The following DCDC1 variants were observed in gnomAD, a reference collection of about 807,000 sequenced individuals.
DCDC1 encodes doublecortin domain-containing protein 1.
A neutral mutation model predicts 178.3 loss-of-function variants in DCDC1; 200 were observed. The observed-to-expected ratio is 1.12, with a 90% CI of 1.00 to 1.26. The LOEUF is 1.26. DCDC1 is among the 50% of genes most tolerant of loss of function. The pLI, the probability that DCDC1 is intolerant of heterozygous loss-of-function variation, is 0.00. For synonymous variants in DCDC1, 690 were observed against 604.8 expected (o/e 1.14, Z -2.07); for missense variants, 1,983 against 1,749.2 (o/e 1.13, Z -2.38).
chr11:31,354,023 C>T (rs1483703192), intron 1 of DCDC1, among the ~76,000 whole-genome samples: 1 of 152,192 alleles, frequency 6.6e-6, no homozygotes, highest in Non-Finnish European at 1.5e-5. Flanking sequence ...CGCGGTGGCT[C>T]ACGCCTGTAA....
chr11:31,129,229 T>C (rs984095884), intron 10 of DCDC1, among the ~76,000 whole-genome samples: 4 of 152,182 alleles, frequency 2.6e-5, no homozygotes, highest in Admixed American at 1.3e-4. Context: ...TGTATACATA[T>C]AAATTTCAAT....
intron 18 of DCDC1, among the ~76,000 whole-genome samples, chr11:31,067,575 C>T (rs1009290592): frequency 6.6e-6 from 1 of 151,954 alleles, no homozygotes; most frequent in Non-Finnish European, 1.5e-5. Context: ...TACATACACA[C>T]AAAAACTTCC....
At chr11:31,061,715 G>A (rs1171270963) in intron 20 of DCDC1, among the ~76,000 whole-genome samples, 2 of 151,942 alleles carry the variant, frequency 1.3e-5, no homozygotes, top group Admixed American at 6.6e-5. Context: ...GACTAAAAAA[G>A]CATAAATCTA....
chr11:31,239,448 C>T (rs1247139652), intron 9 of DCDC1, among the ~76,000 whole-genome samples: 2 of 151,894 alleles, frequency 1.3e-5, no homozygotes, highest in African/African-American at 2.4e-5. Context: ...CTTAATATAA[C>T]ACTACAAAAG....
chr11:31,246,643 T>C (rs1451291835), intron 8 of DCDC1, among the ~76,000 whole-genome samples: 2 of 151,970 alleles, frequency 1.3e-5, no homozygotes, highest in Middle Eastern at 3.2e-3. Flanking sequence ...CTTTACGAAA[T>C]AGTTGGAAAG....
At chr11:30,886,488 C>T (rs1443489185) in intron 36 of DCDC1, among the ~76,000 whole-genome samples, 1 of 152,078 alleles carries the variant, frequency 6.6e-6, no homozygotes, top group African/African-American at 2.4e-5. Flanking sequence ...ATCAAGGTGC[C>T]AGCAGATTCA....
At chr11:31,117,488 T>C (rs1960139227) in intron 11 of DCDC1, among the ~76,000 whole-genome samples, 1 of 152,140 alleles carries the variant, frequency 6.6e-6, no homozygotes, top group Non-Finnish European at 1.5e-5. Flanking sequence ...GCCTGGGTTA[T>C]CTGCCAGCCC....
chr11:31,039,654 G>A (rs158290), intron 20 of DCDC1, among the ~76,000 whole-genome samples: 13,582 of 152,102 alleles, frequency 0.089, 815 homozygotes, highest in East Asian at 0.29. Flanking sequence ...TTAAGATAAA[G>A]TTCCTATGGA....
At chr11:31,221,579 T>C (rs1974271393) in intron 9 of DCDC1, among the ~76,000 whole-genome samples, 1 of 152,194 alleles carries the variant, frequency 6.6e-6, no homozygotes, top group African/African-American at 2.4e-5. Flanking sequence ...AGGCAGGATA[T>C]CTGACAGCCT....
intron 9 of DCDC1, among the ~76,000 whole-genome samples, chr11:31,164,219 A>G (rs1966578197): frequency 6.6e-6 from 1 of 152,130 alleles, no homozygotes; most frequent in African/African-American, 2.4e-5. Context: ...CACATGTAAA[A>G]TGGTGGTCCC....
At chr11:30,935,624 G>A (rs191727090) in intron 21 of DCDC1, among the ~76,000 whole-genome samples, 20 of 151,942 alleles carry the variant, frequency 1.3e-4, no homozygotes, top group Admixed American at 1.2e-3. Context: ...TGCAATCTCA[G>A]CTCACTGCAA....
chr11:31,357,621 T>G (rs1045547884), intron 1 of DCDC1, among the ~76,000 whole-genome samples: 1 of 152,082 alleles, frequency 6.6e-6, no homozygotes, highest in African/African-American at 2.4e-5. Flanking sequence ...TAAAGGGTAT[T>G]CAATTAGGAA....
intron 34 of DCDC1, among the ~76,000 whole-genome samples, chr11:30,899,164 C>A (rs1478185893): frequency 1.3e-5 from 2 of 151,754 alleles, no homozygotes; most frequent in African/African-American, 2.4e-5. Flanking sequence ...TCTTCCCCAG[C>A]AATACCCAAG....
At chr11:30,906,281 A>T in intron 30 of DCDC1, 1 of 367,908 alleles carries the variant, frequency 2.7e-6, no homozygotes, top group African/African-American at 2.0e-5. Flanking sequence ...CACTGAGAAC[A>T]GTGAAATATG....
chr11:30,902,280 T>C (rs772316474), intron 32 of DCDC1, among the ~76,000 whole-genome samples: 2 of 151,712 alleles, frequency 1.3e-5, no homozygotes, highest in Non-Finnish European at 2.9e-5. Flanking sequence ...CTTTGCCCTT[T>C]CTGTTTTCCA....
intron 17 of DCDC1, among the ~76,000 whole-genome samples, chr11:31,082,084 A>C (rs1270526430): frequency 6.6e-6 from 1 of 152,184 alleles, no homozygotes; most frequent in East Asian, 1.9e-4. Flanking sequence ...GCACCAAGCT[A>C]AAAAGATTTT....
chr11:31,361,490 T>C lies in DCDC1; in HGVS notation c.-125+8207A>G, dbSNP rs188392659. On this transcript the variant is annotated intron_variant, in intron 1 of 38. Transcript: ENST00000684477. ...AATTGAACCAAATATATTTCTCATC[T>C]TTTTTTTTAAGACAAGAGTCTTGCC... 1.1e-4 allele frequency among the ~76,000 whole-genome samples: 17 copies of C among 151,428 alleles called. No homozygotes were observed. In the East Asian group the frequency reaches 2.7e-3, roughly 24 times the overall value.
chr11:31,179,523 A>C (rs1262854910), intron 9 of DCDC1, among the ~76,000 whole-genome samples: 3 of 152,224 alleles, frequency 2.0e-5, no homozygotes, highest in Non-Finnish European at 4.4e-5. Context: ...GTCATTTGTG[A>C]CAATGTGAAT....
chr11:31,077,800 C>A, intron 18 of DCDC1, 65 bp downstream of exon 18: 1 of 742,000 alleles, frequency 1.3e-6, no homozygotes, highest in South Asian at 1.4e-5. Flanking sequence ...ATAGATAGTA[C>A]CCTTTATAAG....
Sources: gnomAD v4.1 joint callset for allele counts (sites outside exome capture counted in the v4.1 genomes callset) on GRCh38, gnomAD v4.1.1 for gene constraint, MANE v1.5 for transcripts, NCBI Gene and HGNC (gene_info 2026-07-23, HGNC 2026-07-21) for gene names.